The following ZNF550 variants were observed in gnomAD, a reference collection of about 807,000 sequenced individuals.
ZNF550 encodes the protein zinc finger protein 550.
In ZNF550, 42 loss-of-function variants were observed where a neutral mutation model predicts 40.2. The ratio of observed to expected loss-of-function variants is 1.05; its 90% confidence interval spans 0.82 to 1.35. ZNF550 has a LOEUF of 1.35. ZNF550 is among the 40% of genes most tolerant of loss of function. The probability of loss-of-function intolerance (pLI) is 0.00; values close to 1 mark genes in which losing one functional copy is unlikely to be tolerated. For synonymous variants in ZNF550, 223 were observed against 198.6 expected (o/e 1.12, Z -1.03); for missense variants, 549 against 525.2 (o/e 1.05, Z -0.44).
chr19:57,554,575 G>A lies in ZNF550; in HGVS notation c.154+1656C>T, dbSNP rs540581063. The A allele has an allele frequency of 6.6e-6, 1 of 152,380 alleles. No homozygotes were observed. Among genetic ancestry groups the A allele is most frequent in the Non-Finnish European group, 1.5e-5 (1 of 68,046 alleles). 9.4% of individuals were successfully genotyped at this position (152,380 alleles called of 1,614,324 possible). The stretch of plus-strand genomic sequence containing the variant: ...TGCAGCCAAATGCTTTCCACTAGAT[G>A]TGGTGAGTAAAAGACAGGAGGATTC... On this transcript the variant is annotated intron_variant, in intron 2 of 4. Coordinates refer to ENST00000457177, the Ensembl canonical transcript of ZNF550. The surrounding 1 kb of genome is among the most constrained non-coding windows in gnomAD (Gnocchi z 4.5).
chr19:57,559,690 T>A (rs1415420699), exon 1 of ZNF550: 2 of 1,502,440 alleles, frequency 1.3e-6, no homozygotes, highest in South Asian at 1.2e-5. Context: ...CATCCGACCG[T>A]TGGCAGGACG....
chr19:57,548,014 A>G (rs1469961713), intron 3 of ZNF550, 21 bp from the exon 4 acceptor site: 1 of 1,595,764 alleles, frequency 6.3e-7, no homozygotes, highest in Admixed American at 1.7e-5. Flanking sequence ...TCAACAAACA[A>G]AGGAGGGGTC....
chr19:57,550,947 A>G (rs2090067148), intron 3 of ZNF550, among the ~76,000 whole-genome samples: 1 of 152,242 alleles, frequency 6.6e-6, no homozygotes, highest in African/African-American at 2.4e-5. Flanking sequence ...TGTTTTCGCC[A>G]AGTGTAAGCA....
intron 3 of ZNF550, chr19:57,552,390 T>C (rs148804693): frequency 1.0e-5 from 5 of 488,878 alleles, no homozygotes; most frequent in East Asian, 3.1e-5. Context: ...ACCAGCTGGA[T>C]TGAGCCAGAG....
At chr19:57,543,863 G>A (rs1348304482) in intron 4 of ZNF550, 11 of 664,146 alleles carry the variant, frequency 1.7e-5, no homozygotes, top group Non-Finnish European at 2.0e-5. Context: ...CCTTGAACTC[G>A]GGAGGCAGAA....
At chr19:57,547,903 T>A (rs942981906) in exon 4 of ZNF550, 1 of 1,614,088 alleles carries the variant, frequency 6.2e-7, no homozygotes, top group Non-Finnish European at 8.5e-7. Flanking sequence ...GGTTGAAGAT[T>A]CCAGAGTCAG....
chr19:57,559,098 A>C (rs917281008), intron 1 of ZNF550, among the ~76,000 whole-genome samples: 1 of 152,226 alleles, frequency 6.6e-6, no homozygotes, highest in Admixed American at 6.5e-5. Context: ...CAGGAGGCCA[A>C]GGAGGCCAGA....
In ZNF550 at chr19:57,547,891, G is replaced by C. The variant is rs1185573273; in HGVS notation, c.353C>G (p.Ser118Ter). Reference sequence around the variant, plus strand: ...AGCTCTCCCCAACCTCGAATCACTTGAGGTTGAAGATTCCAGAGTCAGGCT... The same window carrying C: ...AGCTCTCCCCAACCTCGAATCACTTCAGGTTGAAGATTCCAGAGTCAGGCT... Residue 118 changes from serine to a stop codon, truncating the protein, a stop_gained, in exon 4 of 5, where the codon TCA (serine) becomes TGA (stop). Coordinates refer to ENST00000457177, the Ensembl canonical transcript of ZNF550. LOFTEE classifies it high-confidence loss of function. The C allele has an allele frequency of 6.2e-7, 1 of 1,613,942 alleles. No homozygotes were observed. The highest frequency in any genetic ancestry group is 8.5e-7 in the Non-Finnish European group (1 of 1,180,030).
chr19:57,558,955 C>T (rs1190804769), intron 1 of ZNF550, among the ~76,000 whole-genome samples: 2 of 152,198 alleles, frequency 1.3e-5, no homozygotes, highest in Non-Finnish European at 2.9e-5. Flanking sequence ...TTAGTTGCAA[C>T]CCAGCGTCCC....
Position 57,543,542 on chromosome 19 carries a change from C to T in ZNF550, c.*519-299G>A, listed in dbSNP as rs989789307. On this transcript the variant is annotated intron_variant, in intron 4 of 4. Transcript: ENST00000457177. ...TGAATGGTCATAACTAGTCCCACCCCCACAATCATTTCTCACAGATTAAGC... is the reference window on the plus strand; with the variant it reads ...TGAATGGTCATAACTAGTCCCACCCTCACAATCATTTCTCACAGATTAAGC... The T allele has an allele frequency of 1.8e-5, 16 of 910,928 alleles. No individual in the cohort carries two copies. The East Asian group carries it at 1.8e-3, about 101-fold the overall frequency. 56.4% of individuals were successfully genotyped at this position (910,928 alleles called of 1,614,324 possible).
intron 4 of ZNF550, chr19:57,544,323 C>G (rs2123332446): frequency 1.0e-6 from 1 of 985,362 alleles, no homozygotes; most frequent in Non-Finnish European, 1.2e-6. Context: ...TAAGAAAAAC[C>G]TAGGGTGTCC....
At chr19:57,555,341 ACTTTT>A (rs1194153169) in intron 2 of ZNF550, 3 of 152,102 alleles carry the variant, frequency 2.0e-5, no homozygotes, top group South Asian at 2.1e-4. Context: ...CTGATCTGAG[ACTTTT>A]CTTTTTTTTT....
At chr19:57,543,962 T>C in intron 4 of ZNF550, 1 of 985,264 alleles carries the variant, frequency 1.0e-6, no homozygotes, top group Non-Finnish European at 1.2e-6. Flanking sequence ...AAAACATGTT[T>C]TACCTCAATC....
chr19:57,558,871 A>G (rs544854872), intron 1 of ZNF550, among the ~76,000 whole-genome samples: 1 of 152,332 alleles, frequency 6.6e-6, no homozygotes, highest in South Asian at 2.1e-4. Flanking sequence ...CATCCTGCAT[A>G]CCATCGCCAC....
chr19:57,552,935 G>A (rs910618097), intron 2 of ZNF550: 9 of 531,208 alleles, frequency 1.7e-5, no homozygotes, highest in East Asian at 5.9e-5. Context: ...AACACCCAAC[G>A]TGACTGTATA....
exon 4 of ZNF550, chr19:57,547,350 G>A: frequency 6.2e-7 from 1 of 1,613,350 alleles, no homozygotes; most frequent in South Asian, 1.1e-5. Flanking sequence ...AAGTAGACCG[G>A]TGGGTGAAGG....
chr19:57,556,130 G>GA, intron 2 of ZNF550, 101 bp downstream of exon 2: 1 of 1,499,968 alleles, frequency 6.7e-7, no homozygotes, highest in South Asian at 1.1e-5. Context: ...GGTGGGAACA[G>GA]AAAGGTCTGT....
exon 2 of ZNF550, chr19:57,556,347 G>A: frequency 6.2e-7 from 1 of 1,613,150 alleles, no homozygotes; most frequent in Non-Finnish European, 8.5e-7. Flanking sequence ...ATCCTTGAAG[G>A]TCACCAACAT....
At chr19:57,548,242 C>T (rs1599891584) in intron 3 of ZNF550, among the ~76,000 whole-genome samples, 1 of 152,106 alleles carries the variant, frequency 6.6e-6, no homozygotes, top group Admixed American at 6.5e-5. Context: ...TTTCTCTTTA[C>T]AGTTCAGAGT....
Sources: allele counts gnomAD v4.1 joint callset (sites outside exome capture counted in the v4.1 genomes callset), GRCh38; gene constraint gnomAD v4.1.1; non-coding constraint Gnocchi (gnomAD v3.1); transcripts MANE v1.5; gene names NCBI Gene and HGNC (gene_info 2026-07-23, HGNC 2026-07-21).